The following MOSMO variants were observed in gnomAD, a reference collection of about 807,000 sequenced individuals.
MOSMO encodes modulator of smoothened protein.
A neutral mutation model predicts 18.4 loss-of-function variants in MOSMO; 5 were observed. That is an observed-to-expected ratio of 0.27 (90% confidence interval 0.14 to 0.57). MOSMO has a LOEUF of 0.57. MOSMO is among the 20% of genes least tolerant of loss of function. The pLI, the probability that MOSMO is intolerant of heterozygous loss-of-function variation, is 0.92. For synonymous variants in MOSMO, 82 were observed against 82.3 expected, an observed-to-expected ratio of 1.00 and a Z score of 0.02; for missense variants, 138 against 211.8, an observed-to-expected ratio of 0.65 and a Z score of 2.16.
intron 1 of MOSMO, among the ~76,000 whole-genome samples, chr16:22,009,804 C>CA (rs56313303): frequency 0.011 from 378 of 35,970 alleles, 5 homozygotes; most frequent in East Asian, 0.029. Context: ...ACTAAAAATA[C>CA]AAAAAAAAAA....
In MOSMO at chr16:22,081,528, T is replaced by A. The variant is rs1901081863; in HGVS notation, c.*648T>A. 1 of 100,864 alleles carries A rather than the reference T, an allele frequency of 9.9e-6. No homozygotes were observed. Among genetic ancestry groups the A allele is most frequent in the Non-Finnish European group, 2.0e-5 (1 of 51,172 alleles). 6.2% of individuals were successfully genotyped at this position (100,864 alleles called of 1,614,324 possible). On this transcript the variant is annotated 3_prime_UTR_variant, in exon 3 of 3. Transcript: ENST00000542527. Reference sequence around the variant, plus strand: ...AAAAAATCAAACACTAAGACACATGTTTTGGGTGGGTGGGTGGGGGAAATC... The same window carrying A: ...AAAAAATCAAACACTAAGACACATGATTTGGGTGGGTGGGTGGGGGAAATC...
chr16:22,016,231 G>C (rs1899633563), intron 1 of MOSMO, among the ~76,000 whole-genome samples: 5 of 152,096 alleles, frequency 3.3e-5, no homozygotes, highest in Admixed American at 3.3e-4. Context: ...TGATTTTTCA[G>C]CTATAAAATG....
rs115424480 is a variant in MOSMO at position 22,032,815 on chromosome 16, C to T, written c.106+24408C>T. 1.3e-3 allele frequency among the ~76,000 whole-genome samples: 191 copies of T among 152,228 alleles called. 1 individual carries two copies. In the South Asian group the frequency reaches 0.013, roughly 10 times the overall value. ...CTCTTACCTCGACCTCCCAAAGTCTCGGCATTACAGGTGTGAGCCACCTTG... is the reference window on the plus strand; with the variant it reads ...CTCTTACCTCGACCTCCCAAAGTCTTGGCATTACAGGTGTGAGCCACCTTG... On this transcript the variant is annotated intron_variant, in intron 1 of 2. Coordinates refer to ENST00000542527, the MANE Select transcript of MOSMO (RefSeq NM_001164579.2).
downstream of MOSMO, among the ~76,000 whole-genome samples, chr16:22,091,877 T>C (rs1437605280): frequency 6.6e-6 from 1 of 152,188 alleles, no homozygotes; most frequent in East Asian, 1.9e-4. Context: ...TTTGGAGAGA[T>C]TCCCAGCTAT....
chr16:22,048,082 A>G (rs1235306523), intron 1 of MOSMO, among the ~76,000 whole-genome samples: 1 of 152,180 alleles, frequency 6.6e-6, no homozygotes, highest in East Asian at 1.9e-4. Context: ...TTCAAGGGAG[A>G]TCTTGAGCAG....
At chr16:22,050,185 T>G (rs1278597088) in intron 1 of MOSMO, among the ~76,000 whole-genome samples, 1 of 152,212 alleles carries the variant, frequency 6.6e-6, no homozygotes, top group Non-Finnish European at 1.5e-5. Context: ...TTAATTCCAT[T>G]GGACATGAGG....
chr16:22,032,909 C>A (rs1260282077), intron 1 of MOSMO, among the ~76,000 whole-genome samples: 1 of 152,064 alleles, frequency 6.6e-6, no homozygotes, highest in Admixed American at 6.6e-5. Flanking sequence ...ATGTGAATAT[C>A]CAATTGTCCC....
At chr16:22,014,032 C>T (rs1324214823) in intron 1 of MOSMO, among the ~76,000 whole-genome samples, 2 of 152,084 alleles carry the variant, frequency 1.3e-5, no homozygotes, top group African/African-American at 4.8e-5. Context: ...CATTTGGGGG[C>T]ACGTGACGTC....
intron 1 of MOSMO, among the ~76,000 whole-genome samples, chr16:22,049,083 A>G (rs1438268782): frequency 2.6e-5 from 4 of 152,222 alleles, no homozygotes; most frequent in Non-Finnish European, 5.9e-5. Flanking sequence ...GAGGAAATAC[A>G]TATAGAAATT....
In MOSMO at chr16:22,083,292, A is replaced by G. The variant is rs1034792205; in HGVS notation, c.*2412A>G. The stretch of plus-strand genomic sequence containing the variant: ...AAAATTTAAGGTTTTATTTGTATCT[A>G]TTACCCAAACCATTAAATTGTCTTT... On this transcript the variant is annotated 3_prime_UTR_variant, in exon 3 of 3. Transcript: ENST00000542527. 8 of 153,732 alleles carry G rather than the reference A, an allele frequency of 5.2e-5. No homozygotes were observed. The highest frequency in any genetic ancestry group is 1.9e-4 in the African/African-American group (8 of 41,452). 9.5% of individuals were successfully genotyped at this position (153,732 alleles called of 1,614,324 possible).
intron 1 of MOSMO, among the ~76,000 whole-genome samples, chr16:22,064,731 A>G (rs1222873872): frequency 6.6e-6 from 1 of 152,198 alleles, no homozygotes; most frequent in East Asian, 1.9e-4. Flanking sequence ...ATTTAAAGCA[A>G]ACATTCTTTT....
chr16:22,084,013 T>C lies in MOSMO; in HGVS notation c.*3133T>C, dbSNP rs1468312902. ...AATGTTCTAGATGACCAAAACACTA[T>C]TGGTTTTTACCCTTTTGCCTAAAGC... On this transcript the variant is annotated 3_prime_UTR_variant, in exon 3 of 3. Coordinates refer to ENST00000542527, the MANE Select transcript of MOSMO (RefSeq NM_001164579.2). The C allele has an allele frequency of 3.6e-5, 9 of 246,586 alleles. No individual in the cohort carries two copies. The highest frequency in any genetic ancestry group is 5.4e-5 in the Admixed American group (1 of 18,462). The allele number at this position is 246,586 out of a possible 1,614,324, so 15.3% of individuals were successfully genotyped here.
At chr16:22,024,015 A>ATATATATATT (rs915616422) in intron 1 of MOSMO, among the ~76,000 whole-genome samples, 1 of 136,362 alleles carries the variant, frequency 7.3e-6, no homozygotes, top group Admixed American at 6.9e-5. Flanking sequence ...ATATATATAT[A>ATATATATATT]TTTTCTTAAG....
At chr16:22,051,317 G>A (rs1207118963) in intron 1 of MOSMO, among the ~76,000 whole-genome samples, 3 of 151,920 alleles carry the variant, frequency 2.0e-5, no homozygotes, top group Non-Finnish European at 4.4e-5. Flanking sequence ...GAACCTGGGA[G>A]GTAGAAGTTG....
At chr16:22,067,545 G>A (rs766740741) in intron 1 of MOSMO, among the ~76,000 whole-genome samples, 12 of 152,138 alleles carry the variant, frequency 7.9e-5, no homozygotes, top group Non-Finnish European at 1.6e-4. Flanking sequence ...GGAACAGCGG[G>A]ACATGTTCAA....
In MOSMO at chr16:22,067,244, A is replaced by G. The variant is rs190819693; in HGVS notation, c.107-8243A>G. On this transcript the variant is annotated intron_variant, in intron 1 of 2. Transcript: ENST00000542527. ...AGAAATGTGGGACATTATCAGGTAT[A>G]TCAACATACACATAACGGGAATTCC... is the stretch of plus-strand genomic sequence containing the variant. 2.7e-3 allele frequency among the ~76,000 whole-genome samples: 416 copies of G among 152,328 alleles called. 5 individuals are homozygous for G. The highest frequency in any genetic ancestry group is 3.4e-3 in the Middle Eastern group (1 of 294).
intron 1 of MOSMO, among the ~76,000 whole-genome samples, chr16:22,023,079 T>G (rs1785911044): frequency 6.6e-6 from 1 of 152,186 alleles, no homozygotes; most frequent in African/African-American, 2.4e-5. Flanking sequence ...GAGACTCTGT[T>G]TTTTTATTCT....
At chr16:22,041,966 G>A (rs1463506950) in intron 1 of MOSMO, among the ~76,000 whole-genome samples, 1 of 152,170 alleles carries the variant, frequency 6.6e-6, no homozygotes, top group East Asian at 1.9e-4. Flanking sequence ...GATAACAGGT[G>A]TGAGCCACTA....
chr16:22,050,099 G>A (rs1900392683), intron 1 of MOSMO, among the ~76,000 whole-genome samples: 2 of 152,168 alleles, frequency 1.3e-5, no homozygotes, highest in South Asian at 2.1e-4. Context: ...TAGAGTAAGT[G>A]GAGTGAATTG....
Sources: gnomAD v4.1 joint callset for allele counts (sites outside exome capture counted in the v4.1 genomes callset) on GRCh38, gnomAD v4.1.1 for gene constraint, MANE v1.5 for transcripts, NCBI Gene and HGNC (gene_info 2026-07-23, HGNC 2026-07-21) for gene names.